Variants in ZP2 observed in about 807,000 individuals in gnomAD.
The protein encoded by ZP2 is zona pellucida sperm-binding protein 2.
Under a neutral mutation model 84.0 loss-of-function variants are expected in ZP2, and 51 were observed. The observed-to-expected ratio is 0.61, with a 90% CI of 0.49 to 0.77. The LOEUF (loss-of-function observed/expected upper bound fraction) is 0.77. Ranked by LOEUF, ZP2 falls within the 30% of genes least tolerant of loss-of-function variation. The probability of loss-of-function intolerance (pLI) is 0.00; values close to 1 mark genes in which losing one functional copy is unlikely to be tolerated. For synonymous variants in ZP2, 375 were observed against 330.9 expected (o/e 1.13, Z -1.45); for missense variants, 909 against 911.9 (o/e 1.00, Z 0.04).
rs757599634 is a variant in ZP2 at position 21,211,571 on chromosome 16, C to G, written c.-24G>C. 3.1e-6 allele frequency: 5 copies of G among 1,613,920 alleles called. No individual in the cohort carries two copies. In the African/African-American group the frequency reaches 6.7e-5, roughly 22 times the overall value. On this transcript the variant is annotated 5_prime_UTR_variant, in exon 1 of 19. Coordinates refer to ENST00000574091, the MANE Select transcript of ZP2 (RefSeq NM_001376232.1). The stretch of plus-strand genomic sequence containing the variant: ...ATAGCAGAAGACACTACCAGATCAA[C>G]CAGGTAGAGGGTAGGCTGCTCTGTG...
chr16:21,203,346 A>G lies in ZP2; in HGVS notation c.973-95T>C, dbSNP rs1015041284. 1.4e-5 allele frequency: 21 copies of G among 1,540,930 alleles called. No homozygotes were observed. In the African/African-American group the frequency reaches 2.7e-4, roughly 20 times the overall value. ...AGCAAGTCCACTAAATACTTGCAGG[A>G]CACACTCCAGACTTATCTGGGCTCC... On this transcript the variant is annotated intron_variant, in intron 9 of 18. Transcript: ENST00000574091.
chr16:21,201,248 A>G (rs979453651), intron 14 of ZP2, 121 bp downstream of exon 14: 4 of 877,666 alleles, frequency 4.6e-6, no homozygotes, highest in Admixed American at 3.3e-5. Context: ...ATTAGAAAAC[A>G]AGGACTAAAT....
In ZP2 at chr16:21,206,945, C is replaced by T. The variant is rs764730762; in HGVS notation, c.376G>A (p.Ala126Thr). The change falls in exon 5 of 19, where the codon GCC (alanine) becomes ACC (threonine). Residue 126 changes from alanine to threonine, a missense_variant. Coordinates refer to ENST00000574091, the MANE Select transcript of ZP2 (RefSeq NM_001376232.1). ...MTIRVMNNSA[A>T]LRHGAVMYQF... is the part of the protein sequence containing the mutation. ...TACATGACAGCTCCGTGTCTTAAGG[C>T]AGCACTGTTGTTCATGACTCTGATG... 2.4e-5 allele frequency: 38 copies of T among 1,614,024 alleles called. No homozygotes were observed. Among genetic ancestry groups the T allele is most frequent in the Non-Finnish European group, 3.0e-5 (35 of 1,180,024 alleles).
intron 10 of ZP2, among the ~76,000 whole-genome samples, chr16:21,202,685 A>C (rs2093231490): frequency 6.6e-6 from 1 of 152,180 alleles, no homozygotes; most frequent in South Asian, 2.1e-4. Flanking sequence ...GGAGAAACTG[A>C]GGCAGGAGCT....
In ZP2 at chr16:21,211,562, C is replaced by T. The variant is rs777912488; in HGVS notation, c.-15G>A. The T allele has an allele frequency of 7.2e-5, 116 of 1,613,966 alleles. 2 individuals are homozygous for T. The South Asian group carries it at 1.2e-3, about 17-fold the overall frequency. ...CTGCACGCCATAGCAGAAGACACTA[C>T]CAGATCAACCAGGTAGAGGGTAGGC... On this transcript the variant is annotated 5_prime_UTR_variant, in exon 1 of 19. Transcript: ENST00000574091.
intron 3 of ZP2, 115 bp from the exon 4 acceptor site, chr16:21,209,840 C>G: frequency 1.1e-6 from 1 of 904,208 alleles, no homozygotes; most frequent in South Asian, 1.5e-5. Flanking sequence ...CCTTCACTTC[C>G]GCCCCAACTC....
At chr16:21,204,628 A>G (rs2093241500) in intron 7 of ZP2, among the ~76,000 whole-genome samples, 1 of 152,188 alleles carries the variant, frequency 6.6e-6, no homozygotes, top group South Asian at 2.1e-4. Context: ...GTAGCCAATG[A>G]CTTCTAGGCA....
intron 4 of ZP2, 83 bp downstream of exon 4, chr16:21,209,548 A>G: frequency 7.8e-7 from 1 of 1,290,004 alleles, no homozygotes; most frequent in South Asian, 1.2e-5. Context: ...TACTCCAAAG[A>G]GAAAGTTCTT....
chr16:21,202,933 C>T (rs572273334), intron 10 of ZP2, among the ~76,000 whole-genome samples, 192 bp downstream of exon 10: 46 of 152,246 alleles, frequency 3.0e-4, no homozygotes, highest in African/African-American at 1.0e-3. Flanking sequence ...TAAAACCTAC[C>T]TATGTAGGGA....
intron 17 of ZP2, 127 bp downstream of exon 17, chr16:21,198,652 G>C (rs997005317): frequency 1.4e-6 from 1 of 727,168 alleles, no homozygotes; most frequent in Middle Eastern, 3.3e-4. Context: ...TCTGGGAAGA[G>C]ACTTAGTCTT....
At chr16:21,211,871 A>C, upstream of ZP2, 1 of 981,848 alleles carries the variant, frequency 1.0e-6, no homozygotes, top group Non-Finnish European at 1.4e-6. Context: ...TGCAATGTAG[A>C]GCCAAAGAGA....
In ZP2 at chr16:21,209,111, C is replaced by T. The variant is rs146427653; in HGVS notation, c.330+520G>A. On this transcript the variant is annotated intron_variant, in intron 4 of 18. Transcript: ENST00000574091. ...TTAGATGCCAGTAGTAGCTCTTCTACCTTCAGTTGTGATAACCAAAGATGT... is the reference window on the plus strand; with the variant it reads ...TTAGATGCCAGTAGTAGCTCTTCTATCTTCAGTTGTGATAACCAAAGATGT... 3.3e-3 allele frequency among the ~76,000 whole-genome samples: 503 copies of T among 152,296 alleles called. 1 individual carries two copies. Among genetic ancestry groups the T allele is most frequent in the African/African-American group, 0.011 (462 of 41,564 alleles).
intron 17 of ZP2, chr16:21,198,077 A>G (rs560932535): frequency 3.5e-5 from 16 of 458,174 alleles, no homozygotes; most frequent in Non-Finnish European, 5.4e-5. Flanking sequence ...ACTACTATAC[A>G]AGAAATTCAA....
chr16:21,204,453 C>A, intron 7 of ZP2, 49 bp from the exon 8 acceptor site: 1 of 1,471,574 alleles, frequency 6.8e-7, no homozygotes, highest in South Asian at 1.2e-5. Context: ...TTACTTGAAT[C>A]TCTAACCAGT....
chr16:21,209,172 C>A (rs954367633), intron 4 of ZP2, among the ~76,000 whole-genome samples: 2 of 152,078 alleles, frequency 1.3e-5, no homozygotes, highest in Non-Finnish European at 2.9e-5. Context: ...GGACAGATTC[C>A]CCCCACCCTC....
At chr16:21,205,349 T>C in intron 7 of ZP2, 71 bp downstream of exon 7, 3 of 1,546,004 alleles carry the variant, frequency 1.9e-6, no homozygotes, top group South Asian at 1.1e-5. Context: ...GAAGACATGG[T>C]TGAGATCATG....
At chr16:21,204,431 C>CA in intron 7 of ZP2, 27 bp from the exon 8 acceptor site, 1 of 1,585,516 alleles carries the variant, frequency 6.3e-7, no homozygotes, top group Non-Finnish European at 8.6e-7. Flanking sequence ...CAGTGATCTT[C>CA]AAAAACATTG....
chr16:21,198,031 G>A, intron 17 of ZP2, 182 bp from the exon 18 acceptor site: 1 of 569,602 alleles, frequency 1.8e-6, no homozygotes, highest in Non-Finnish European at 3.1e-6. Flanking sequence ...CACATGCTCT[G>A]ACCTAATCTT....
At chr16:21,202,773 A>G (rs1224579185) in intron 10 of ZP2, among the ~76,000 whole-genome samples, 4 of 44,522 alleles carry the variant, frequency 9.0e-5, no homozygotes, top group African/African-American at 1.3e-4. Context: ...AACAAGAGAT[A>G]TTCACTCTAT....
Sources: allele counts gnomAD v4.1 joint callset (sites outside exome capture counted in the v4.1 genomes callset), GRCh38; gene constraint gnomAD v4.1.1; transcripts MANE v1.5; gene names NCBI Gene and HGNC (gene_info 2026-07-23, HGNC 2026-07-21).